FOXJ3: variants seen among roughly 807,000 people sequenced by gnomAD.
The protein encoded by FOXJ3 is forkhead box J3, also known as forkhead box protein J3.
Under a neutral mutation model 76.1 loss-of-function variants are expected in FOXJ3, and 22 were observed. The observed-to-expected ratio is 0.29, with a 90% confidence interval of 0.21 to 0.41. The LOEUF is 0.41. Ranked by LOEUF, FOXJ3 falls within the 10% of genes least tolerant of loss-of-function variation. The pLI is 1.00. For missense variants in FOXJ3, 613 were observed against 762.1 expected, an observed-to-expected ratio of 0.80 and a Z score of 2.30; for synonymous variants, 269 against 261.2, an observed-to-expected ratio of 1.03 and a Z score of -0.29.
At chr1:42,196,467 C>A (rs192335703) in intron 7 of FOXJ3, among the ~76,000 whole-genome samples, 1 of 152,020 alleles carries the variant, frequency 6.6e-6, no homozygotes, top group African/African-American at 2.4e-5. Flanking sequence ...CCGAGGCGGG[C>A]GGATCACCTG....
At chr1:42,242,081 A>T (rs531503423) in intron 4 of FOXJ3, among the ~76,000 whole-genome samples, 1 of 152,330 alleles carries the variant, frequency 6.6e-6, no homozygotes, top group East Asian at 1.9e-4. Context: ...AAAGTGTTCT[A>T]TGTGACAGAC....
intron 4 of FOXJ3, among the ~76,000 whole-genome samples, chr1:42,239,349 T>C (rs928696261): frequency 1.3e-5 from 2 of 152,238 alleles, no homozygotes; most frequent in South Asian, 2.1e-4. Flanking sequence ...CAGAGTATAA[T>C]ATAAACTGTA....
intron 2 of FOXJ3, among the ~76,000 whole-genome samples, chr1:42,300,610 T>C (rs548855807): frequency 6.6e-6 from 1 of 152,060 alleles, no homozygotes; most frequent in Non-Finnish European, 1.5e-5. Flanking sequence ...ACCTTGTCTC[T>C]ACAAAAAACA....
intron 3 of FOXJ3, among the ~76,000 whole-genome samples, chr1:42,270,060 C>A (rs1457437957): frequency 6.6e-6 from 1 of 152,170 alleles, no homozygotes; most frequent in African/African-American, 2.4e-5. Context: ...CATGATCTGA[C>A]CCTATCTTGC....
In FOXJ3 at chr1:42,317,641, C is replaced by G. The variant is rs1655197849; in HGVS notation, c.-17-6531G>C. Among the ~76,000 whole-genome samples, 4 of 151,390 alleles carry G rather than the reference C, an allele frequency of 2.6e-5. No homozygotes were observed. In the South Asian group the frequency reaches 8.3e-4, roughly 32 times the overall value. On this transcript the variant is annotated intron_variant, in intron 1 of 12. Coordinates refer to ENST00000361346, the MANE Select transcript of FOXJ3 (RefSeq NM_014947.5). ...ATAAAAACTGAAAAGAGAATACTGGCTTTTAATAGAAGATAATAATACGAC... is the reference window on the plus strand; with the variant it reads ...ATAAAAACTGAAAAGAGAATACTGGGTTTTAATAGAAGATAATAATACGAC...
chr1:42,273,437 G>A (rs1016176232), intron 3 of FOXJ3, among the ~76,000 whole-genome samples: 2 of 152,076 alleles, frequency 1.3e-5, no homozygotes, highest in Admixed American at 6.6e-5. Flanking sequence ...ACTTTGGGAG[G>A]CCAAGGTAGA....
At chr1:42,288,785 G>GAA (rs1653229115) in intron 2 of FOXJ3, among the ~76,000 whole-genome samples, 1 of 151,844 alleles carries the variant, frequency 6.6e-6, no homozygotes, top group East Asian at 1.9e-4. Context: ...AATGCAGAGA[G>GAA]AGATGAGAAT....
chr1:42,288,282 T>C (rs180797065), intron 2 of FOXJ3, among the ~76,000 whole-genome samples: 1 of 152,314 alleles, frequency 6.6e-6, no homozygotes, highest in Non-Finnish European at 1.5e-5. Flanking sequence ...ACTCAGAATC[T>C]GCTCCAGAAT....
chr1:42,196,566 G>T (rs900274234), intron 7 of FOXJ3, among the ~76,000 whole-genome samples: 1 of 152,144 alleles, frequency 6.6e-6, no homozygotes. Context: ...GGTGGCTCAC[G>T]CCTGCAATCC....
In FOXJ3 at chr1:42,271,511, T is replaced by C. The variant is rs115842753; in HGVS notation, c.370-6322A>G. 5.0e-3 allele frequency among the ~76,000 whole-genome samples: 756 copies of C among 152,268 alleles called. 8 individuals are homozygous for C. Among genetic ancestry groups the C allele is most frequent in the African/African-American group, 0.017 (712 of 41,542 alleles). ...ATGACCAAACACATAATGTATAATA[T>C]TATTCCTTTTTTACCCACACAAAAA... On this transcript the variant is annotated intron_variant, in intron 3 of 12. Transcript: ENST00000361346.
chr1:42,235,378 C>G (rs1052149367), intron 4 of FOXJ3, among the ~76,000 whole-genome samples: 1 of 152,206 alleles, frequency 6.6e-6, no homozygotes. Context: ...CGCCCTGCTT[C>G]GGCTCACGCT....
At chr1:42,245,158 A>C in intron 4 of FOXJ3, among the ~76,000 whole-genome samples, 2 of 95,056 alleles carry the variant, frequency 2.1e-5, no homozygotes, top group African/African-American at 4.1e-5. Flanking sequence ...CCAGCCTGAG[A>C]CTCGTCTCAA....
At chr1:42,222,054 GAAGAAGAAGA>G (rs1557649631) in intron 5 of FOXJ3, among the ~76,000 whole-genome samples, 19 of 103,308 alleles carry the variant, frequency 1.8e-4, no homozygotes, top group South Asian at 4.0e-4. Flanking sequence ...AGGAGAAGAA[GAAGAAGAAGA>G]AGAAGAAGAA....
intron 11 of FOXJ3, 90 bp downstream of exon 11, chr1:42,188,647 A>C: frequency 1.3e-6 from 1 of 761,940 alleles, no homozygotes; most frequent in Non-Finnish European, 2.0e-6. Flanking sequence ...CACTGTCACC[A>C]TTAGCAGCAA....
At chr1:42,334,125 A>G (rs1656320536) in intron 1 of FOXJ3, 1 of 980,340 alleles carries the variant, frequency 1.0e-6, no homozygotes, top group Non-Finnish European at 1.2e-6. Context: ...AGAGAAATGA[A>G]AACTATACAC....
Position 42,199,238 on chromosome 1 carries a change from G to C in FOXJ3, c.631-8C>G, listed in dbSNP as rs1321263415. The C allele has an allele frequency of 6.2e-7, 1 of 1,601,782 alleles. No homozygotes were observed. Among genetic ancestry groups the C allele is most frequent in the East Asian group, 2.2e-5 (1 of 44,774 alleles). The stretch of plus-strand genomic sequence containing the variant: ...AGTGTTATACAATGTTACCTAAAAT[G>C]AAAAAAGAAAAATGACAATTGAATA... On this transcript the variant is annotated splice_region_variant and splice_polypyrimidine_tract_variant and intron_variant, in intron 6 of 12. Coordinates refer to ENST00000361346, the MANE Select transcript of FOXJ3 (RefSeq NM_014947.5).
At chr1:42,247,691 G>A (rs993061322) in intron 4 of FOXJ3, among the ~76,000 whole-genome samples, 2 of 152,112 alleles carry the variant, frequency 1.3e-5, no homozygotes, top group African/African-American at 2.4e-5. Flanking sequence ...GAATGTAAAC[G>A]GTAAAGCTGG....
intron 1 of FOXJ3, among the ~76,000 whole-genome samples, chr1:42,321,574 A>T (rs907018597): frequency 6.6e-6 from 1 of 152,220 alleles, no homozygotes; most frequent in African/African-American, 2.4e-5. Context: ...ACTCTTCAAA[A>T]GTACTTATTA....
At chr1:42,301,415 T>G (rs1466140900) in intron 2 of FOXJ3, among the ~76,000 whole-genome samples, 4 of 152,120 alleles carry the variant, frequency 2.6e-5, no homozygotes, top group African/African-American at 9.7e-5. Flanking sequence ...TTGGCCAGGC[T>G]GGTCTCGAAC....
Sources: gnomAD v4.1 joint callset for allele counts (sites outside exome capture counted in the v4.1 genomes callset) on GRCh38, gnomAD v4.1.1 for gene constraint, MANE v1.5 for transcripts, NCBI Gene and HGNC (gene_info 2026-07-23, HGNC 2026-07-21) for gene names.